The following UTY variants were observed in gnomAD, a reference collection of about 807,000 sequenced individuals.
UTY encodes ubiquitously transcribed tetratricopeptide repeat containing, Y-linked, also known as histone demethylase UTY.
In UTY, 12 loss-of-function variants were observed where a neutral mutation model predicts 32.5. The ratio of observed to expected loss-of-function variants is 0.37; its 90% CI spans 0.24 to 0.60. The LOEUF is 0.60. UTY is among the 20% of genes least tolerant of loss of function. The probability of loss-of-function intolerance (pLI) is 0.69; values close to 1 mark genes in which losing one functional copy is unlikely to be tolerated. For synonymous variants in UTY, 131 were observed against 103.4 expected (o/e 1.27, Z -1.62); for missense variants, 303 against 299.2 (o/e 1.01, Z -0.09).
intron 11 of UTY, 146 bp downstream of exon 11, chrY:13,360,284 A>T: frequency 5.7e-6 from 1 of 175,319 alleles, no homozygotes; most frequent in Non-Finnish European, 1.0e-5. Context: ...GAGATCAACC[A>T]GGCTCAGCTT....
At chrY:13,435,567 C>T (rs776979775) in intron 4 of UTY, among the ~76,000 whole-genome samples, 2 of 34,506 alleles carry the variant, frequency 5.8e-5, no homozygotes, top group South Asian at 6.3e-4. Context: ...TTGTCAGGGT[C>T]GGCAGCCATT....
chrY:13,242,116 C>A (rs574544271), intron 28 of UTY, among the ~76,000 whole-genome samples: 1 of 33,036 alleles, frequency 3.0e-5, no homozygotes. Flanking sequence ...AATAAAAAAA[C>A]GCTGAAGAAT....
chrY:13,298,992 C>T lies in UTY; in HGVS notation c.3833G>A (p.Cys1278Tyr). The T allele has an allele frequency of 2.5e-6, 1 of 396,035 alleles. No homozygotes were observed. The highest frequency in any genetic ancestry group is 3.5e-6 in the Non-Finnish European group (1 of 282,510). Residue 1278 changes from cysteine (C) to tyrosine (Y), a missense_variant, in exon 26 of 30, where the codon TGC becomes TAC. Cys to Tyr is a radical substitution (Grantham distance 194). Coordinates refer to ENST00000545955, the MANE Select transcript of UTY (RefSeq NM_001258249.2). ...TVHWVQAVGW[C>Y]NNIAWNVGPL... Reference sequence around the variant, plus strand: ...ACCAACATTCCAGGCAATGTTATTGCACCAGCCAACAGCTTGAACCCAATG... The same window carrying T: ...ACCAACATTCCAGGCAATGTTATTGTACCAGCCAACAGCTTGAACCCAATG...
At chrY:13,325,001 T>C (rs2060130972) in intron 19 of UTY, among the ~76,000 whole-genome samples, 1 of 33,766 alleles carries the variant, frequency 3.0e-5, no homozygotes, top group African/African-American at 1.1e-4. Context: ...CTATCTCTTA[T>C]ACCACAGTGA....
Position 13,414,812 on chromosome Y carries a change from A to G in UTY, c.376-19T>C. ...CAGCATTCTGTTAATATAAAACACA[A>G]AACAACCTTTATAACAGATTTTATA... On this transcript the variant is annotated intron_variant, in intron 4 of 29. Transcript: ENST00000545955. 2.8e-6 allele frequency: 1 copy of G among 362,309 alleles called. No individual in the cohort carries two copies. The highest frequency in any genetic ancestry group is 3.9e-6 in the Non-Finnish European group (1 of 259,734). 90.4% of individuals were successfully genotyped at this position (362,309 alleles called of 400,897 possible).
intron 17 of UTY, among the ~76,000 whole-genome samples, chrY:13,352,924 G>A: frequency 5.9e-5 from 2 of 34,101 alleles, no homozygotes; most frequent in African/African-American, 2.3e-4. Context: ...CCGTGGTAAG[G>A]AAGCTGCAGA....
chrY:13,350,392 T>C (rs781346573), intron 17 of UTY, among the ~76,000 whole-genome samples: 26 of 33,302 alleles, frequency 7.8e-4, no homozygotes, highest in African/African-American at 3.1e-3. Context: ...CCATGAGAGA[T>C]GAGGAAAGGA....
intron 3 of UTY, among the ~76,000 whole-genome samples, chrY:13,466,594 A>AAG (rs1276618520): frequency 5.9e-5 from 2 of 33,738 alleles, no homozygotes; most frequent in Non-Finnish European, 1.5e-4. Context: ...GGCAAACAAA[A>AAG]GAAGAAAAAG....
chrY:13,305,473 G>T lies in UTY; in HGVS notation c.3491C>A (p.Thr1164Asn). The T allele has an allele frequency of 2.5e-6, 1 of 395,458 alleles. No homozygotes were observed. The change falls in exon 24 of 30, where the codon ACC (threonine) becomes AAC (asparagine). Residue 1164 changes from threonine to asparagine, a missense_variant. Thr to Asn is a moderately conservative substitution (Grantham distance 65). Transcript: ENST00000545955. Reference sequence around the variant, plus strand: ...GCCCAGAATGGTATGCCCAACATGGGTTAGAAGATTTCCTGCTGACACCAC... The same window carrying T: ...GCCCAGAATGGTATGCCCAACATGGTTTAGAAGATTTCCTGCTGACACCAC... Reference protein sequence around the residue: ...ARVVSAGNLLTHVGHTILGMN... With the variant: ...ARVVSAGNLLNHVGHTILGMN...
chrY:13,479,605 T>A lies in UTY; in HGVS notation c.61A>T (p.Lys21Ter). 1 of 398,647 alleles carries A rather than the reference T, an allele frequency of 2.5e-6. No individual in the cohort carries two copies. Residue 21 changes from lysine (K) to a stop codon, truncating the protein, a stop_gained, in exon 1 of 30, where the codon AAA becomes TAA. Transcript: ENST00000545955. LOFTEE classifies it high-confidence loss of function. Reference sequence around the variant, plus strand: ...CGGCTCGCTTTTCCTTCCGCCATTTTCTTTGCCTCATCACCGAAGGCAACA... The same window carrying A: ...CGGCTCGCTTTTCCTTCCGCCATTTACTTTGCCTCATCACCGAAGGCAACA... ...AAVAFGDEAK[K>*]MAEGKASRES...
At chrY:13,300,224 TTAA>T in intron 25 of UTY, among the ~76,000 whole-genome samples, 1 of 33,126 alleles carries the variant, frequency 3.0e-5, no homozygotes, top group South Asian at 6.9e-4. Flanking sequence ...TTATGAAGTT[TTAA>T]TATAAAAGTC....
chrY:13,264,884 G>A (rs2055630139), intron 27 of UTY, among the ~76,000 whole-genome samples: 1 of 33,398 alleles, frequency 3.0e-5, no homozygotes, highest in Non-Finnish European at 7.4e-5. Flanking sequence ...TTGGTCTTAC[G>A]TTTAAGTCTT....
chrY:13,303,724 C>G, intron 24 of UTY, among the ~76,000 whole-genome samples: 1 of 33,061 alleles, frequency 3.0e-5, no homozygotes, highest in African/African-American at 1.2e-4. Context: ...GACAAAATGA[C>G]AAGGAGATAA....
intron 21 of UTY, among the ~76,000 whole-genome samples, chrY:13,311,578 G>C: frequency 4.1e-5 from 1 of 24,658 alleles, no homozygotes; most frequent in Admixed American, 3.7e-4. Flanking sequence ...CTGGGCGACA[G>C]AGCAAGACTC....
intron 28 of UTY, among the ~76,000 whole-genome samples, chrY:13,257,837 C>T: frequency 9.8e-4 from 32 of 32,525 alleles, no homozygotes; most frequent in Admixed American, 8.9e-3. Flanking sequence ...CAACACCCGT[C>T]GAACACAGCC....
At chrY:13,480,088 C>T, upstream of UTY, 12 of 54,992 alleles carry the variant, frequency 2.2e-4, no homozygotes, top group Non-Finnish European at 8.2e-5. Context: ...CCACTGTACT[C>T]CTAGGCTGCT....
At chrY:13,318,519 C>T (rs931041114) in intron 21 of UTY, among the ~76,000 whole-genome samples, 2 of 32,012 alleles carry the variant, frequency 6.2e-5, no homozygotes, top group Non-Finnish European at 1.5e-4. Flanking sequence ...TATGATTAAA[C>T]GGAAATTACA....
At chrY:13,379,478 A>AAAC (rs2065746425) in intron 8 of UTY, among the ~76,000 whole-genome samples, 2 of 32,663 alleles carry the variant, frequency 6.1e-5, no homozygotes, top group African/African-American at 1.2e-4. Flanking sequence ...ACAAGTCAAC[A>AAAC]AACCCAAAAT....
chrY:13,408,401 G>C, intron 6 of UTY, among the ~76,000 whole-genome samples: 1 of 32,258 alleles, frequency 3.1e-5, no homozygotes, highest in African/African-American at 1.2e-4. Context: ...CTGTGTATCT[G>C]AATCAACTAA....
Sources: allele counts gnomAD v4.1 joint callset (sites outside exome capture counted in the v4.1 genomes callset), GRCh38; gene constraint gnomAD v4.1.1; transcripts MANE v1.5; gene names NCBI Gene and HGNC (gene_info 2026-07-23, HGNC 2026-07-21).